NDRG2: variants seen among roughly 807,000 people sequenced by gnomAD.
The protein encoded by NDRG2 is NDRG family member 2.
In NDRG2, 34 loss-of-function variants were observed where a neutral mutation model predicts 58.2. The observed-to-expected ratio is 0.58, with a 90% CI of 0.44 to 0.78. The LOEUF (loss-of-function observed/expected upper bound fraction) is 0.78. NDRG2 is among the 30% of genes least tolerant of loss of function. The pLI is 0.00. For synonymous variants in NDRG2, 187 were observed against 175.9 expected, an observed-to-expected ratio of 1.06 and a Z score of -0.50; for missense variants, 434 against 471.2, an observed-to-expected ratio of 0.92 and a Z score of 0.73.
chr14:21,038,683 C>T (rs1884762586), intron 1 of NDRG2, among the ~76,000 whole-genome samples: 1 of 152,216 alleles, frequency 6.6e-6, no homozygotes, highest in Non-Finnish European at 1.5e-5. Flanking sequence ...CCGATTGTGA[C>T]AGACCCTGAT....
intron 1 of NDRG2, among the ~76,000 whole-genome samples, chr14:21,046,624 G>A (rs1594502325): frequency 6.6e-6 from 1 of 152,056 alleles, no homozygotes; most frequent in East Asian, 1.9e-4. Context: ...GTTGGCTTTT[G>A]AACAACATGG....
At chr14:21,034,689 G>T in intron 1 of NDRG2, 1 of 191,158 alleles carries the variant, frequency 5.2e-6, no homozygotes, top group Non-Finnish European at 1.1e-5. Context: ...AGGAAGGACA[G>T]GAGCTGAAGA....
intron 1 of NDRG2, chr14:21,034,079 C>G (rs1359112292): frequency 1.2e-6 from 2 of 1,614,036 alleles, no homozygotes; most frequent in Non-Finnish European, 1.7e-6. Context: ...CATAATGGAT[C>G]TTTGGGCAAT....
rs1211717572 is a variant in NDRG2, at chr14:21,017,572, C to T, written c.*24G>A. On this transcript the variant is annotated 3_prime_UTR_variant, in exon 16 of 16. Coordinates refer to ENST00000556147, the MANE Select transcript of NDRG2 (RefSeq NM_001320329.2). ...CTCTGGGGGAGGTGAGGGCTGGGTC[C>T]CACTCTAGGGCAACAAGGGCCATTC... 2 of 1,607,318 alleles carry T rather than the reference C, an allele frequency of 1.2e-6. No individual in the cohort carries two copies. Among genetic ancestry groups the T allele is most frequent in the South Asian group, 1.1e-5 (1 of 89,704 alleles).
intron 1 of NDRG2, chr14:21,043,450 A>G: frequency 6.3e-7 from 1 of 1,594,212 alleles, no homozygotes; most frequent in Non-Finnish European, 8.5e-7. Flanking sequence ...GTACACTTGG[A>G]CAGAGTCCTT....
chr14:21,029,000 A>G (rs1233850597), upstream of NDRG2: 1 of 152,188 alleles, frequency 6.6e-6, no homozygotes, highest in African/African-American at 2.4e-5. Flanking sequence ...GAAGAGAGAA[A>G]ACCCTGAGGA....
chr14:21,047,051 G>A (rs544043690), intron 1 of NDRG2: 1 of 152,148 alleles, frequency 6.6e-6, no homozygotes, highest in South Asian at 2.1e-4. Flanking sequence ...AGGGACATAA[G>A]GTTCTCCCTA....
At chr14:21,062,708 AGTGTGTGTGTGTGT>A (rs71416997) in intron 1 of NDRG2, among the ~76,000 whole-genome samples, 2 of 130,976 alleles carry the variant, frequency 1.5e-5, no homozygotes, top group African/African-American at 3.0e-5. Context: ...GGCTGGGCAC[AGTGTGTGTGTGTGT>A]GTGTGTGTGT....
At chr14:21,032,470 A>G (rs1884286117) in intron 1 of NDRG2, 4 of 395,910 alleles carry the variant, frequency 1.0e-5, no homozygotes, top group Non-Finnish European at 5.0e-6. Context: ...TCCTCACGTG[A>G]TGGACTATGA....
At chr14:21,048,407 A>G (rs1885303184) in intron 1 of NDRG2, 1 of 152,164 alleles carries the variant, frequency 6.6e-6, no homozygotes, top group South Asian at 2.1e-4. Flanking sequence ...CGTGATGAAA[A>G]TACACACTGT....
At chr14:21,019,879 C>T (rs1879111734) in intron 9 of NDRG2, 41 bp downstream of exon 9, 2 of 1,604,372 alleles carry the variant, frequency 1.2e-6, no homozygotes. Flanking sequence ...AAGTTCCCTG[C>T]TGCTCCCGTC....
At chr14:21,031,675 C>G (rs1436342111) in intron 1 of NDRG2, among the ~76,000 whole-genome samples, 1 of 152,168 alleles carries the variant, frequency 6.6e-6, no homozygotes, top group Non-Finnish European at 1.5e-5. Context: ...ACACGCCACA[C>G]TCATTCCCAC....
intron 1 of NDRG2, among the ~76,000 whole-genome samples, chr14:21,060,463 C>A (rs1008647250): frequency 6.6e-6 from 1 of 152,198 alleles, no homozygotes; most frequent in Admixed American, 6.5e-5. Flanking sequence ...CCACTTCCTG[C>A]GGCTGCGCCT....
chr14:21,056,056 T>G lies in NDRG2; in HGVS notation c.24+14772A>C, dbSNP rs80083923. Among the ~76,000 whole-genome samples, 1,160 of 152,288 alleles carry G rather than the reference T, an allele frequency of 7.6e-3. 15 individuals are homozygous for G. Among genetic ancestry groups the G allele is most frequent in the African/African-American group, 0.025 (1,038 of 41,546 alleles). On this transcript the variant is annotated intron_variant, in intron 1 of 14. Transcript: ENST00000403829. The stretch of plus-strand genomic sequence containing the variant: ...GCTCCTCCACCATGTTTGCCTGAGA[T>G]GACAAACATCTCAGAATTTTTACAT...
intron 1 of NDRG2, among the ~76,000 whole-genome samples, chr14:21,031,691 ACTC>A (rs1219936343): frequency 6.6e-6 from 1 of 150,472 alleles, no homozygotes; most frequent in Non-Finnish European, 1.5e-5. Flanking sequence ...CCCACACCAC[ACTC>A]CTCCTCCCCC....
chr14:21,040,249 A>T (rs1014954431), intron 1 of NDRG2, among the ~76,000 whole-genome samples: 5 of 152,148 alleles, frequency 3.3e-5, no homozygotes, highest in African/African-American at 1.2e-4. Context: ...GGCCTGTGTG[A>T]ACTTGTTCTT....
chr14:21,029,795 A>C (rs547061537), upstream of NDRG2, among the ~76,000 whole-genome samples: 6 of 152,270 alleles, frequency 3.9e-5, no homozygotes, highest in East Asian at 9.6e-4. Context: ...GGTGCCATCT[A>C]TGGACCGGAA....
intron 1 of NDRG2, among the ~76,000 whole-genome samples, chr14:21,038,818 G>A (rs992949422): frequency 5.3e-5 from 8 of 152,092 alleles, no homozygotes; most frequent in African/African-American, 1.9e-4. Flanking sequence ...TTGTCTAAAC[G>A]CATTGGTCTG....
intron 1 of NDRG2, among the ~76,000 whole-genome samples, chr14:21,039,851 G>A (rs375062261): frequency 3.5e-4 from 53 of 152,274 alleles, no homozygotes; most frequent in African/African-American, 1.2e-3. Flanking sequence ...GCATACTCGA[G>A]TTGAAGAGCA....
Sources: allele counts gnomAD v4.1 joint callset (sites outside exome capture counted in the v4.1 genomes callset), GRCh38; gene constraint gnomAD v4.1.1; transcripts MANE v1.5; gene names NCBI Gene and HGNC (gene_info 2026-07-23, HGNC 2026-07-21).